The following CPEB3 variants were observed in gnomAD, a reference collection of about 807,000 sequenced individuals.
CPEB3 encodes the protein cytoplasmic polyadenylation element-binding protein 3.
In CPEB3, 20 loss-of-function variants were observed where a neutral mutation model predicts 67.2. The observed-to-expected ratio is 0.30, with a 90% CI of 0.21 to 0.43. The LOEUF (loss-of-function observed/expected upper bound fraction) is 0.43, where lower values mean the gene tolerates loss of function less well. Ranked by LOEUF, CPEB3 falls within the 20% of genes least tolerant of loss-of-function variation. The pLI, the probability that CPEB3 is intolerant of heterozygous loss-of-function variation, is 1.00. For synonymous variants in CPEB3, 376 were observed against 393.1 expected, an observed-to-expected ratio of 0.96 and a Z score of 0.51; for missense variants, 746 against 968.6, an observed-to-expected ratio of 0.77 and a Z score of 3.05.
chr10:92,096,648 A>T (rs1843893238), intron 7 of CPEB3, among the ~76,000 whole-genome samples: 1 of 152,058 alleles, frequency 6.6e-6, no homozygotes, highest in Non-Finnish European at 1.5e-5. Flanking sequence ...AGGTGACTCT[A>T]AAAAAAGGTT....
intron 2 of CPEB3, among the ~76,000 whole-genome samples, chr10:92,213,066 C>T (rs541818733): frequency 5.3e-5 from 8 of 152,200 alleles, no homozygotes; most frequent in Non-Finnish European, 8.8e-5. Flanking sequence ...TCCTGCATTC[C>T]GAAGTTTCAG....
chr10:92,253,481 A>AAAAAAAAAAAAAAG (rs1564910688), intron 1 of CPEB3, among the ~76,000 whole-genome samples: 10 of 144,822 alleles, frequency 6.9e-5, no homozygotes, highest in Non-Finnish European at 1.2e-4. Context: ...AAAAAAAAAA[A>AAAAAAAAAAAAAAG]AAAGAAAAGA....
At chr10:92,150,188 G>A (rs1268471962) in intron 4 of CPEB3, among the ~76,000 whole-genome samples, 1 of 151,952 alleles carries the variant, frequency 6.6e-6, no homozygotes, top group Non-Finnish European at 1.5e-5. Context: ...TTCCTCCAGG[G>A]GACAGAATGG....
intron 6 of CPEB3, chr10:92,137,473 C>A: frequency 8.2e-7 from 1 of 1,226,494 alleles, no homozygotes; most frequent in Non-Finnish European, 1.2e-6. Context: ...CAGCAACACC[C>A]AGGTGGTTTT....
chr10:92,161,853 G>A (rs1236678658), intron 4 of CPEB3, among the ~76,000 whole-genome samples: 1 of 150,706 alleles, frequency 6.6e-6, no homozygotes, highest in African/African-American at 2.4e-5. Flanking sequence ...AATAGAGATG[G>A]GGTTTCATCA....
intron 3 of CPEB3, among the ~76,000 whole-genome samples, chr10:92,189,774 T>C (rs542425226): frequency 3.7e-5 from 5 of 136,034 alleles, no homozygotes; most frequent in Non-Finnish European, 7.7e-5. Flanking sequence ...AGTGGCGCAA[T>C]CTCGGTCACT....
chr10:92,121,838 A>T (rs112484598), intron 6 of CPEB3, among the ~76,000 whole-genome samples: 22 of 152,302 alleles, frequency 1.4e-4, no homozygotes, highest in African/African-American at 4.6e-4. Flanking sequence ...CAAGCTTCCT[A>T]TTACCAGTGA....
intron 1 of CPEB3, among the ~76,000 whole-genome samples, chr10:92,262,755 T>C (rs1852861380): frequency 6.6e-6 from 1 of 152,180 alleles, no homozygotes; most frequent in African/African-American, 2.4e-5. Context: ...TTGTTTCCTC[T>C]GGAATAAAAT....
chr10:92,220,889 C>T (rs1850668476), intron 2 of CPEB3, among the ~76,000 whole-genome samples: 1 of 152,186 alleles, frequency 6.6e-6, no homozygotes, highest in Admixed American at 6.5e-5. Context: ...ACATAATCTA[C>T]AAGTCTAGCA....
chr10:92,104,908 C>CT (rs1275215595), intron 7 of CPEB3, among the ~76,000 whole-genome samples: 2 of 151,584 alleles, frequency 1.3e-5, no homozygotes, highest in Non-Finnish European at 2.9e-5. Context: ...CTTTTCTTTT[C>CT]TTTTTTTTAG....
Position 92,239,417 on chromosome 10 carries a change from G to A in CPEB3, c.934C>T (p.Leu312Phe), listed in dbSNP as rs766864782. 20 of 1,603,990 alleles carry A rather than the reference G, an allele frequency of 1.2e-5. No homozygotes were observed. Among genetic ancestry groups the A allele is most frequent in the Non-Finnish European group, 1.7e-5 (20 of 1,175,082 alleles). The part of the protein sequence containing the change: ...APPKFPRAAP[L>F]TSKSWMEDNA... ...TCCTCCATCCAGGACTTGGAAGTGA[G>A]AGGGGCCGCGCGAGGGAACTTGGGC... is the stretch of plus-strand genomic sequence containing the variant. The change falls in exon 2 of 10, where the codon CTC (leucine) becomes TTC (phenylalanine). Residue 312 changes from leucine to phenylalanine, a missense_variant. Physicochemically the swap from Leu to Phe is conservative, Grantham distance 22. Coordinates refer to ENST00000265997, the MANE Select transcript of CPEB3 (RefSeq NM_014912.5). This position sits in a 1 kb window ranked among gnomAD's most constrained non-coding sequence, Gnocchi z 6.0.
chr10:92,258,010 G>C (rs1390149540), intron 1 of CPEB3, among the ~76,000 whole-genome samples: 1 of 151,870 alleles, frequency 6.6e-6, no homozygotes, highest in Non-Finnish European at 1.5e-5. Flanking sequence ...GATTACAAGC[G>C]TGAGTTATCG....
At chr10:92,274,501 T>C (rs1590597354) in intron 1 of CPEB3, among the ~76,000 whole-genome samples, 2 of 152,190 alleles carry the variant, frequency 1.3e-5, no homozygotes, top group African/African-American at 2.4e-5. Context: ...ATCACCTAAA[T>C]AGTACCTGGA....
intron 2 of CPEB3, among the ~76,000 whole-genome samples, chr10:92,209,734 C>G (rs1001628870): frequency 2.7e-5 from 4 of 150,020 alleles, no homozygotes; most frequent in Non-Finnish European, 5.9e-5. Context: ...ATGAGGAGTT[C>G]AAAACCAGCC....
chr10:92,243,278 G>A (rs1041156677), intron 1 of CPEB3: 2 of 152,194 alleles, frequency 1.3e-5, no homozygotes, highest in Non-Finnish European at 2.9e-5. Flanking sequence ...TTTGACAACT[G>A]TAAGATGAGA....
In CPEB3 at chr10:92,075,076, T is replaced by TA. The variant is rs1480443760; in HGVS notation, c.1869+6243dup. On this transcript the variant is annotated intron_variant, in intron 9 of 9. Coordinates refer to ENST00000265997, the MANE Select transcript of CPEB3 (RefSeq NM_014912.5). ...TCATAGCAGCTCTGTGAGGAACTCC[T>TA]AGTAGAAGAAGCCTCTTCCACTTCT... Among the ~76,000 whole-genome samples the TA allele has an allele frequency of 1.2e-4, 19 of 152,316 alleles. No individual in the cohort carries two copies. The East Asian group carries it at 3.5e-3, about 28-fold the overall frequency.
chr10:92,145,101 G>C lies in CPEB3; in HGVS notation c.1223-16C>G. ...AGGAAGGCATCTTCAAAGGGAAAGA[G>C]AGAAGATCGACCTGAAACAAATGTG... On this transcript the variant is annotated splice_polypyrimidine_tract_variant and intron_variant, in intron 4 of 9. Coordinates refer to ENST00000265997, the MANE Select transcript of CPEB3 (RefSeq NM_014912.5). The C allele has an allele frequency of 6.2e-7, 1 of 1,613,520 alleles. No individual in the cohort carries two copies. The highest frequency in any genetic ancestry group is 8.5e-7 in the Non-Finnish European group (1 of 1,179,572).
At chr10:92,288,262 C>T (rs1368477359) in intron 1 of CPEB3, among the ~76,000 whole-genome samples, 2 of 151,972 alleles carry the variant, frequency 1.3e-5, no homozygotes, top group Non-Finnish European at 2.9e-5. Flanking sequence ...GAGTTCGAAA[C>T]CAGCCTGGGC....
At chr10:92,259,856 C>T (rs11186879) in intron 1 of CPEB3, among the ~76,000 whole-genome samples, 36,218 of 152,082 alleles carry the variant, frequency 0.24, 4,968 homozygotes, top group Middle Eastern at 0.34. Flanking sequence ...TACTTCCACA[C>T]ATTAATTCAT....
Sources: allele counts gnomAD v4.1 joint callset (sites outside exome capture counted in the v4.1 genomes callset), GRCh38; gene constraint gnomAD v4.1.1; non-coding constraint Gnocchi (gnomAD v3.1); transcripts MANE v1.5; gene names NCBI Gene and HGNC (gene_info 2026-07-23, HGNC 2026-07-21).